The following TBL1XR1 variants were observed in gnomAD, a reference collection of about 807,000 sequenced individuals.
TBL1XR1 encodes F-box-like/WD repeat-containing protein TBL1XR1.
A neutral mutation model predicts 66.9 loss-of-function variants in TBL1XR1; 5 were observed. The ratio of observed to expected loss-of-function variants is 0.07; its 90% CI spans 0.04 to 0.16. The LOEUF (loss-of-function observed/expected upper bound fraction) is 0.16. Ranked by LOEUF, TBL1XR1 falls within the 10% of genes least tolerant of loss-of-function variation. The probability of loss-of-function intolerance (pLI) is 1.00; values close to 1 mark genes in which losing one functional copy is unlikely to be tolerated. For synonymous variants in TBL1XR1, 210 were observed against 206.0 expected (o/e 1.02, Z -0.17); for missense variants, 238 against 623.2 (o/e 0.38, Z 6.58).
chr3:177,112,376 G>A (rs1253889288), intron 1 of TBL1XR1, among the ~76,000 whole-genome samples: 2 of 151,568 alleles, frequency 1.3e-5, no homozygotes, highest in African/African-American at 2.4e-5. Flanking sequence ...CAAAAGTGCT[G>A]GGATTACAGG....
intron 1 of TBL1XR1, among the ~76,000 whole-genome samples, chr3:177,191,668 A>G (rs1736158289): frequency 6.6e-6 from 1 of 152,236 alleles, no homozygotes; most frequent in Non-Finnish European, 1.5e-5. Flanking sequence ...TCTAGACAGC[A>G]TCTGATAATA....
At chr3:177,083,224 C>A (rs964292918) in intron 2 of TBL1XR1, among the ~76,000 whole-genome samples, 1 of 152,084 alleles carries the variant, frequency 6.6e-6, no homozygotes, top group Non-Finnish European at 1.5e-5. Context: ...AAAACCTGTT[C>A]GAAATTACCA....
intron 12 of TBL1XR1, chr3:177,037,255 A>ATGCAAATAAACTTTAAT (rs549763997): frequency 6.6e-6 from 1 of 152,260 alleles, no homozygotes; most frequent in African/African-American, 2.4e-5. Context: ...ATCTTTACAT[A>ATGCAAATAAACTTTAAT]TGCAAATAAA....
chr3:177,122,970 C>A lies in TBL1XR1; in HGVS notation c.-121-24429G>T, dbSNP rs1727159124. On this transcript the variant is annotated intron_variant, in intron 1 of 15. Transcript: ENST00000457928. ...TGTTAAACATTATGAAAAAAGTCAGCCACAGAAAACCAAACATCATGAGCA... is the reference window on the plus strand; with the variant it reads ...TGTTAAACATTATGAAAAAAGTCAGACACAGAAAACCAAACATCATGAGCA... Among the ~76,000 whole-genome samples, 3 of 152,180 alleles carry A rather than the reference C, an allele frequency of 2.0e-5. No homozygotes were observed. The South Asian group carries it at 6.2e-4, about 32-fold the overall frequency.
At chr3:177,113,268 T>C (rs546326779) in intron 1 of TBL1XR1, among the ~76,000 whole-genome samples, 1 of 152,208 alleles carries the variant, frequency 6.6e-6, no homozygotes, top group East Asian at 1.9e-4. Context: ...AGAAAATTAC[T>C]AAAAGAAAAC....
At chr3:177,159,086 A>G (rs1386818593) in intron 1 of TBL1XR1, among the ~76,000 whole-genome samples, 1 of 152,010 alleles carries the variant, frequency 6.6e-6, no homozygotes. Flanking sequence ...AGAATTTTTT[A>G]TTTTTAATTC....
At position 177,047,272 on chromosome 3, in the gene TBL1XR1, G is replaced by A. The variant is rs112738212; in HGVS notation, c.864+28C>T. ...TTCAATTAAGCTCTGTAATACATTT[G>A]CCTTTACAGAACTTAATGAGCTTTT... On this transcript the variant is annotated intron_variant, in intron 9 of 15. Coordinates refer to ENST00000457928, the MANE Select transcript of TBL1XR1 (RefSeq NM_024665.7). 4.0e-6 allele frequency: 6 copies of A among 1,508,218 alleles called. No homozygotes were observed. The African/African-American group carries it at 4.2e-5, about 11-fold the overall frequency. The allele number at this position is 1,508,218 out of a possible 1,614,324, so 93.4% of individuals were successfully genotyped here.
At chr3:177,182,206 G>C (rs1320536257) in intron 1 of TBL1XR1, among the ~76,000 whole-genome samples, 1 of 152,146 alleles carries the variant, frequency 6.6e-6, no homozygotes, top group East Asian at 1.9e-4. Flanking sequence ...GGGCAACATA[G>C]TGAGACCCCC....
At chr3:177,146,753 G>A (rs751670085) in intron 1 of TBL1XR1, among the ~76,000 whole-genome samples, 9 of 151,850 alleles carry the variant, frequency 5.9e-5, no homozygotes, top group South Asian at 4.2e-4. Flanking sequence ...AATACCGTCC[G>A]TTGTTTTCCT....
rs146878033 is a variant in TBL1XR1, at chr3:177,079,301, C to G, written c.-45-14279G>C. Among the ~76,000 whole-genome samples the G allele has an allele frequency of 3.9e-3, 597 of 151,806 alleles. 5 individuals are homozygous for G. Among genetic ancestry groups the G allele is most frequent in the African/African-American group, 0.014 (576 of 41,360 alleles). The stretch of plus-strand genomic sequence containing the variant: ...ACAAAAAATTAGTTGGGCGTGGTGG[C>G]AGGCGCCTGTAGTCCCAGCTACTCG... On this transcript the variant is annotated intron_variant, in intron 2 of 15. Coordinates refer to ENST00000457928, the MANE Select transcript of TBL1XR1 (RefSeq NM_024665.7).
intron 1 of TBL1XR1, among the ~76,000 whole-genome samples, chr3:177,189,366 A>T (rs755083050): frequency 6.6e-6 from 1 of 152,068 alleles, no homozygotes; most frequent in Non-Finnish European, 1.5e-5. Context: ...AAAATACAAA[A>T]ATTAGCTGGG....
At chr3:177,072,678 A>G (rs1720184527) in intron 2 of TBL1XR1, among the ~76,000 whole-genome samples, 1 of 152,248 alleles carries the variant, frequency 6.6e-6, no homozygotes, top group Admixed American at 6.5e-5. Flanking sequence ...AAGTTACACT[A>G]GCCACTTTTT....
chr3:177,179,587 A>G (rs1734565880), intron 1 of TBL1XR1, among the ~76,000 whole-genome samples: 1 of 152,234 alleles, frequency 6.6e-6, no homozygotes, highest in Non-Finnish European at 1.5e-5. Context: ...GTGAAGCTAA[A>G]GGTTGCAGAA....
intron 1 of TBL1XR1, among the ~76,000 whole-genome samples, chr3:177,132,606 G>C (rs890267177): frequency 1.4e-4 from 21 of 152,288 alleles, no homozygotes; most frequent in East Asian, 3.9e-4. Context: ...CGAATGATAC[G>C]ATAGTGGAAA....
chr3:177,045,601 A>G (rs1336219170), intron 10 of TBL1XR1, among the ~76,000 whole-genome samples: 2 of 152,136 alleles, frequency 1.3e-5, no homozygotes, highest in Non-Finnish European at 1.5e-5. Context: ...GGGAAAGTCT[A>G]TTTTTTACTT....
chr3:177,101,542 C>A (rs182977290), intron 1 of TBL1XR1, among the ~76,000 whole-genome samples: 8 of 152,180 alleles, frequency 5.3e-5, no homozygotes, highest in African/African-American at 1.7e-4. Context: ...ATGGGACTGG[C>A]CACTTTATAA....
At chr3:177,153,951 C>CT (rs1187445263) in intron 1 of TBL1XR1, among the ~76,000 whole-genome samples, 1 of 145,130 alleles carries the variant, frequency 6.9e-6, no homozygotes, top group Non-Finnish European at 1.5e-5. Context: ...GCTAATAAGA[C>CT]AATAGTAGAA....
At chr3:177,166,534 G>T (rs1011341566) in intron 1 of TBL1XR1, among the ~76,000 whole-genome samples, 1 of 152,140 alleles carries the variant, frequency 6.6e-6, no homozygotes. Context: ...TCTGATAATA[G>T]TGAGTTCTCT....
chr3:177,191,800 T>A (rs1018807330), intron 1 of TBL1XR1, among the ~76,000 whole-genome samples: 2 of 151,846 alleles, frequency 1.3e-5, no homozygotes, highest in African/African-American at 4.8e-5. Context: ...CTTGAAAGAG[T>A]TCCCTTTGTA....
Sources: allele counts gnomAD v4.1 joint callset (sites outside exome capture counted in the v4.1 genomes callset), GRCh38; gene constraint gnomAD v4.1.1; transcripts MANE v1.5; gene names NCBI Gene and HGNC (gene_info 2026-07-23, HGNC 2026-07-21).